Variants in PPME1 observed in about 807,000 individuals in gnomAD.
PPME1 encodes the protein testicular secretory protein Li 39.
Under a neutral mutation model 56.9 loss-of-function variants are expected in PPME1, and 17 were observed. That is an observed-to-expected ratio of 0.30 (90% CI 0.20 to 0.45). PPME1 has a LOEUF of 0.45. PPME1 is among the 20% of genes least tolerant of loss of function. PPME1 has a pLI of 1.00. For synonymous variants in PPME1, 122 were observed against 156.2 expected (o/e 0.78, Z 1.63); for missense variants, 357 against 483.2 (o/e 0.74, Z 2.45).
intron 7 of PPME1, among the ~76,000 whole-genome samples, chr11:74,231,863 C>T (rs1859076645): frequency 6.6e-6 from 1 of 152,160 alleles, no homozygotes; most frequent in Non-Finnish European, 1.5e-5. Context: ...AAATCAGTGA[C>T]AGAATTCCAT....
intron 1 of PPME1, among the ~76,000 whole-genome samples, chr11:74,182,199 T>A (rs1303273768): frequency 6.6e-6 from 1 of 152,208 alleles, no homozygotes; most frequent in Admixed American, 6.5e-5. Flanking sequence ...GACTTTATTT[T>A]TTTTTAAATG....
chr11:74,184,801 G>T (rs556392627), intron 1 of PPME1, among the ~76,000 whole-genome samples: 54 of 151,984 alleles, frequency 3.6e-4, no homozygotes, highest in Non-Finnish European at 4.9e-4. Flanking sequence ...TAATCAATGG[G>T]AACTTCTAGT....
intron 1 of PPME1, among the ~76,000 whole-genome samples, chr11:74,176,721 C>CTTTTTTTTT (rs780832040): frequency 9.8e-6 from 1 of 102,172 alleles, no homozygotes; most frequent in African/African-American, 4.2e-5. Flanking sequence ...GTGTAGTGTC[C>CTTTTTTTTT]TTTTTTTTTT....
chr11:74,244,370 A>G (rs902119563), intron 9 of PPME1, among the ~76,000 whole-genome samples: 5 of 152,154 alleles, frequency 3.3e-5, no homozygotes, highest in South Asian at 2.1e-4. Flanking sequence ...TGGTTGAACT[A>G]TTTTACAACT....
At chr11:74,212,144 A>G (rs1858494253) in intron 3 of PPME1, among the ~76,000 whole-genome samples, 1 of 152,170 alleles carries the variant, frequency 6.6e-6, no homozygotes, top group African/African-American at 2.4e-5. Context: ...CCCCTTCCCC[A>G]TCTGCTGGCA....
intron 1 of PPME1, among the ~76,000 whole-genome samples, chr11:74,201,211 G>A (rs1452552580): frequency 1.3e-5 from 2 of 151,624 alleles, no homozygotes; most frequent in South Asian, 2.1e-4. Flanking sequence ...TCCTGACCTC[G>A]TGATCTGCCC....
rs145005575 is a variant in PPME1, at chr11:74,219,621, G to A, written c.289-2691G>A. Reference sequence around the variant, plus strand: ...CATGGATGGAACTGGAGGTCATTACGGTAAGTGAAATAAGCCAGGCACAGA... The same window carrying A: ...CATGGATGGAACTGGAGGTCATTACAGTAAGTGAAATAAGCCAGGCACAGA... On this transcript the variant is annotated intron_variant, in intron 3 of 13. Coordinates refer to ENST00000328257, the MANE Select transcript of PPME1 (RefSeq NM_016147.3). Among the ~76,000 whole-genome samples, 1,029 of 152,122 alleles carry A rather than the reference G, an allele frequency of 6.8e-3. 13 individuals carry two copies. Among genetic ancestry groups the A allele is most frequent in the African/African-American group, 0.024 (991 of 41,532 alleles).
chr11:74,237,931 G>T (rs1411651358), intron 8 of PPME1: 1 of 152,140 alleles, frequency 6.6e-6, no homozygotes, highest in Non-Finnish European at 1.5e-5. Flanking sequence ...TGTCTAATCA[G>T]TAGTAAAGCA....
At chr11:74,203,893 T>G (rs898473725) in intron 2 of PPME1, 72 bp downstream of exon 2, 2 of 1,100,024 alleles carry the variant, frequency 1.8e-6, no homozygotes, top group Admixed American at 4.8e-5. Flanking sequence ...TTGTGTAGTT[T>G]CTAAAATGTT....
chr11:74,209,390 A>G (rs530533872), intron 3 of PPME1, among the ~76,000 whole-genome samples: 17 of 152,318 alleles, frequency 1.1e-4, no homozygotes, highest in African/African-American at 4.1e-4. Flanking sequence ...GGCATGAGCT[A>G]CTGTGTCTGG....
At chr11:74,225,106 C>T (rs1264571988) in intron 4 of PPME1, 99 bp from the exon 5 acceptor site, 1 of 775,498 alleles carries the variant, frequency 1.3e-6, no homozygotes, top group Non-Finnish European at 2.0e-6. Flanking sequence ...TGTGAAGTCC[C>T]TAATCCATTG....
At chr11:74,236,222 G>A (rs1324747537) in intron 8 of PPME1, among the ~76,000 whole-genome samples, 2 of 151,904 alleles carry the variant, frequency 1.3e-5, no homozygotes, top group African/African-American at 4.8e-5. Context: ...AACTCTGCGT[G>A]TTAAAAAGCA....
intron 3 of PPME1, 149 bp downstream of exon 3, chr11:74,204,594 G>C (rs1377356651): frequency 9.6e-6 from 6 of 626,284 alleles, no homozygotes; most frequent in Non-Finnish European, 1.4e-5. Context: ...ATGTTCTTCA[G>C]TATGTCTGAA....
At chr11:74,175,908 C>A (rs1412891831) in intron 1 of PPME1, among the ~76,000 whole-genome samples, 2 of 152,128 alleles carry the variant, frequency 1.3e-5, no homozygotes, top group Non-Finnish European at 1.5e-5. Context: ...ATTTTTAGTC[C>A]ATTGTTCTTT....
At position 74,213,258 on chromosome 11, in the gene PPME1, G is replaced by C. The variant is rs535225407; in HGVS notation, c.288+8813G>C. Among the ~76,000 whole-genome samples the C allele has an allele frequency of 3.1e-4, 47 of 152,288 alleles. 1 individual carries two copies. The highest frequency in any genetic ancestry group is 6.3e-4 in the Non-Finnish European group (43 of 68,026). ...GGGGAGAGACTATGCTTGTGGAAAG[G>C]ATAGGGAAGAGTAGGAAGGACTTTG... On this transcript the variant is annotated intron_variant, in intron 3 of 13. Transcript: ENST00000328257.
At chr11:74,247,050 G>A in intron 10 of PPME1, 29 bp from the exon 11 acceptor site, 1 of 1,590,336 alleles carries the variant, frequency 6.3e-7, no homozygotes, top group South Asian at 1.1e-5. Flanking sequence ...AGCAAAATCT[G>A]TTTCACAATG....
chr11:74,191,341 A>G (rs761258732), intron 1 of PPME1, among the ~76,000 whole-genome samples: 2 of 152,234 alleles, frequency 1.3e-5, no homozygotes, highest in African/African-American at 4.8e-5. Flanking sequence ...CCCTGTCTGA[A>G]GAAAAAACAA....
chr11:74,251,755 G>GCCGC (rs1565398313), intron 13 of PPME1, 40 bp downstream of exon 13: 2 of 1,608,792 alleles, frequency 1.2e-6, no homozygotes, highest in Non-Finnish European at 1.7e-6. Flanking sequence ...AGCAGTGCTG[G>GCCGC]CCGAATCTGA....
chr11:74,189,284 G>A (rs540462083), intron 1 of PPME1, among the ~76,000 whole-genome samples: 24 of 152,174 alleles, frequency 1.6e-4, no homozygotes, highest in African/African-American at 5.8e-4. Context: ...TCTGCATATT[G>A]CTTTACTTAT....
Sources: gnomAD v4.1 joint callset for allele counts (sites outside exome capture counted in the v4.1 genomes callset) on GRCh38, gnomAD v4.1.1 for gene constraint, MANE v1.5 for transcripts, NCBI Gene and HGNC (gene_info 2026-07-23, HGNC 2026-07-21) for gene names.